Variants in HDX observed in about 807,000 individuals in gnomAD.
The protein encoded by HDX is highly divergent homeobox.
Under a neutral mutation model 45.2 loss-of-function variants are expected in HDX, and 19 were observed. The ratio of observed to expected loss-of-function variants is 0.42; its 90% CI spans 0.29 to 0.62. HDX has a LOEUF of 0.62. HDX is among the 20% of genes least tolerant of loss of function. HDX has a pLI of 0.20. For synonymous variants in HDX, 188 were observed against 172.8 expected, an observed-to-expected ratio of 1.09 and a Z score of -0.69; for missense variants, 532 against 493.9, an observed-to-expected ratio of 1.08 and a Z score of -0.73.
At chrX:84,501,935 C>A (rs769054251) in intron 1 of HDX, among the ~76,000 whole-genome samples, 15 of 111,798 alleles carry the variant, frequency 1.3e-4, no homozygotes, top group Non-Finnish European at 7.5e-5. Context: ...GCTCTCAGTG[C>A]CTTTGAGTAG....
chrX:84,341,240 C>G (rs757541446), intron 7 of HDX, among the ~76,000 whole-genome samples: 2 of 110,939 alleles, frequency 1.8e-5, no homozygotes, highest in Admixed American at 1.9e-4. Flanking sequence ...CCAAGTATCT[C>G]CAGGCATATG....
At chrX:84,400,379 C>A (rs1048157746) in intron 5 of HDX, among the ~76,000 whole-genome samples, 1 of 108,548 alleles carries the variant, frequency 9.2e-6, no homozygotes, top group African/African-American at 3.3e-5. Flanking sequence ...AATCAATGTG[C>A]AAAACTCACA....
intron 5 of HDX, among the ~76,000 whole-genome samples, chrX:84,401,350 C>A (rs1290023878): frequency 9.0e-6 from 1 of 111,351 alleles, no homozygotes; most frequent in African/African-American, 3.3e-5. Flanking sequence ...GGAACTTAAT[C>A]AAATTTACAA....
At chrX:84,340,199 T>C (rs2037056611) in intron 7 of HDX, among the ~76,000 whole-genome samples, 1 of 111,142 alleles carries the variant, frequency 9.0e-6, no homozygotes, top group Non-Finnish European at 1.9e-5. Flanking sequence ...TGAGTGGAAC[T>C]GAAACTGCTA....
intron 10 of HDX, 138 bp downstream of exon 10, chrX:84,326,040 A>G: frequency 5.2e-6 from 3 of 572,712 alleles, no homozygotes. Context: ...CTGTTTGCAA[A>G]GGTCATGAAA....
chrX:84,376,181 T>A (rs1412756489), intron 5 of HDX, among the ~76,000 whole-genome samples: 2 of 111,801 alleles, frequency 1.8e-5, no homozygotes, highest in Non-Finnish European at 3.8e-5. Context: ...GCTAGAAGCA[T>A]CCATGACCTA....
chrX:84,340,751 G>T (rs1363083946), intron 7 of HDX, among the ~76,000 whole-genome samples: 1 of 111,270 alleles, frequency 9.0e-6, no homozygotes, highest in Non-Finnish European at 1.9e-5. Flanking sequence ...ATGCTTTTCT[G>T]TTGCAATTTC....
At chrX:84,430,940 G>C (rs2039492091) in intron 5 of HDX, among the ~76,000 whole-genome samples, 1 of 109,740 alleles carries the variant, frequency 9.1e-6, no homozygotes, top group South Asian at 3.8e-4. Context: ...ATATCACAGG[G>C]GTTTAGAGTA....
chrX:84,491,807 T>C (rs1303099437), intron 1 of HDX, among the ~76,000 whole-genome samples: 2 of 111,487 alleles, frequency 1.8e-5, no homozygotes, highest in Non-Finnish European at 3.8e-5. Flanking sequence ...TTTAAATGCC[T>C]CTTGAAATAT....
chrX:84,368,798 G>C (rs1253951698), intron 5 of HDX, among the ~76,000 whole-genome samples: 2 of 111,187 alleles, frequency 1.8e-5, no homozygotes, highest in East Asian at 5.6e-4. Context: ...CCACGGATGA[G>C]GGTGGGGTTA....
intron 3 of HDX, among the ~76,000 whole-genome samples, chrX:84,473,337 G>T (rs2040486732): frequency 1.4e-5 from 1 of 72,652 alleles, no homozygotes; most frequent in African/African-American, 5.7e-5. Flanking sequence ...TATAACTCTA[G>T]CAAAGTATCT....
At chrX:84,487,678 G>T (rs752456920) in intron 2 of HDX, among the ~76,000 whole-genome samples, 2 of 111,813 alleles carry the variant, frequency 1.8e-5, no homozygotes, top group South Asian at 3.7e-4. Flanking sequence ...AGTATTAAAA[G>T]ATCCCCTTCC....
At chrX:84,433,875 GT>G (rs1031991875) in intron 5 of HDX, among the ~76,000 whole-genome samples, 1 of 109,366 alleles carries the variant, frequency 9.1e-6, no homozygotes, top group East Asian at 2.9e-4. Context: ...TCAATGTTTT[GT>G]TTTTTTTAAT....
intron 4 of HDX, among the ~76,000 whole-genome samples, chrX:84,453,196 C>T (rs745653288): frequency 4.5e-5 from 5 of 112,253 alleles, no homozygotes; most frequent in South Asian, 7.4e-4. Context: ...AATTGTCCTC[C>T]GCTCAAGAAT....
At chrX:84,362,739 T>G (rs2037652696) in intron 5 of HDX, among the ~76,000 whole-genome samples, 1 of 111,430 alleles carries the variant, frequency 9.0e-6, no homozygotes, top group South Asian at 3.8e-4. Context: ...TACAATGTTT[T>G]CAACATTTCC....
chrX:84,367,043 A>G (rs1024126700), intron 5 of HDX, among the ~76,000 whole-genome samples: 3 of 112,071 alleles, frequency 2.7e-5, no homozygotes, highest in Admixed American at 1.9e-4. Flanking sequence ...AAAAGAAACT[A>G]TCCTCAGAGT....
intron 5 of HDX, among the ~76,000 whole-genome samples, chrX:84,434,661 T>G (rs1468601677): frequency 9.0e-6 from 1 of 111,386 alleles, no homozygotes; most frequent in Non-Finnish European, 1.9e-5. Flanking sequence ...ATGCTTTTGG[T>G]ATCAGGGTTA....
intron 5 of HDX, among the ~76,000 whole-genome samples, chrX:84,377,143 C>T (rs2038075786): frequency 8.9e-6 from 1 of 112,156 alleles, no homozygotes; most frequent in Admixed American, 9.4e-5. Flanking sequence ...ATTGTCAAGA[C>T]CATGAAGGCA....
intron 4 of HDX, among the ~76,000 whole-genome samples, chrX:84,459,366 C>T (rs933695873): frequency 3.7e-5 from 4 of 109,063 alleles, no homozygotes; most frequent in Non-Finnish European, 7.6e-5. Flanking sequence ...GGCGTGAACC[C>T]GGGAGGCAGA....
Sources: gnomAD v4.1 joint callset for allele counts (sites outside exome capture counted in the v4.1 genomes callset) on GRCh38, gnomAD v4.1.1 for gene constraint, MANE v1.5 for transcripts, NCBI Gene and HGNC (gene_info 2026-07-23, HGNC 2026-07-21) for gene names.